Variants in VPS13A observed in about 807,000 individuals in gnomAD.
The protein encoded by VPS13A is intermembrane lipid transfer protein VPS13A.
VPS13A carries 264 observed loss-of-function variants against 390.9 expected under a neutral mutation model. That is an observed-to-expected ratio of 0.68 (90% CI 0.61 to 0.75). VPS13A has a LOEUF of 0.75. VPS13A is among the 30% of genes least tolerant of loss of function. The pLI is 0.00. For missense variants in VPS13A, 3,409 were observed against 3,733.9 expected, an observed-to-expected ratio of 0.91 and a Z score of 2.27; for synonymous variants, 1,231 against 1,227.1, an observed-to-expected ratio of 1.00 and a Z score of -0.07.
chr9:77,199,097 C>A lies in VPS13A; in HGVS notation c.101-848C>A, dbSNP rs141590842. Among the ~76,000 whole-genome samples, 10 of 152,294 alleles carry A rather than the reference C, an allele frequency of 6.6e-5. No homozygotes were observed. In the East Asian group the frequency reaches 1.9e-3, roughly 29 times the overall value. On this transcript the variant is annotated intron_variant, in intron 1 of 71. Coordinates refer to ENST00000360280, the MANE Select transcript of VPS13A (RefSeq NM_033305.3). ...TGCTAATTACTTTCTATGTGTCTTACAGCATTTCTTCTTTCTGTTTTACCC... is the reference window on the plus strand; with the variant it reads ...TGCTAATTACTTTCTATGTGTCTTAAAGCATTTCTTCTTTCTGTTTTACCC...
chr9:77,282,440 T>C (rs1048027168), intron 29 of VPS13A, among the ~76,000 whole-genome samples, 166 bp downstream of exon 29: 2 of 151,968 alleles, frequency 1.3e-5, no homozygotes, highest in Non-Finnish European at 2.9e-5. Context: ...TTTTAGAAAA[T>C]AAAGGAAACT....
At chr9:77,357,335 A>C (rs547383003) in intron 55 of VPS13A, among the ~76,000 whole-genome samples, 1 of 150,674 alleles carries the variant, frequency 6.6e-6, no homozygotes, top group Non-Finnish European at 1.5e-5. Context: ...AAAAAAAAAA[A>C]AAAAAAAGAA....
intron 45 of VPS13A, among the ~76,000 whole-genome samples, chr9:77,326,156 A>T (rs1490010050): frequency 6.6e-6 from 1 of 152,052 alleles, no homozygotes; most frequent in Admixed American, 6.5e-5. Context: ...AAAATGTGTC[A>T]ATCTTTTCTT....
At chr9:77,252,427 G>T in intron 22 of VPS13A, 75 bp downstream of exon 22, 1 of 1,173,722 alleles carries the variant, frequency 8.5e-7, no homozygotes. Flanking sequence ...ATACTTAACT[G>T]ACTCTTCCTT....
At chr9:77,342,212 T>G (rs1339025326) in intron 50 of VPS13A, among the ~76,000 whole-genome samples, 1 of 152,138 alleles carries the variant, frequency 6.6e-6, no homozygotes, top group East Asian at 1.9e-4. Context: ...ACAATGAAAG[T>G]AACAGTCAAA....
chr9:77,317,380 A>G (rs1829461613), intron 39 of VPS13A, among the ~76,000 whole-genome samples: 1 of 152,100 alleles, frequency 6.6e-6, no homozygotes, highest in African/African-American at 2.4e-5. Flanking sequence ...TTTCTGAGCT[A>G]CCTTGTGCTC....
Position 77,370,872 on chromosome 9 carries a change from G to C in VPS13A, c.8908-18G>C. ...CATAAAAAAGTATTGTAAATTTTCAGTTGTGTTTTCCTTCTAGGGATTTGT... is the reference window on the plus strand; with the variant it reads ...CATAAAAAAGTATTGTAAATTTTCACTTGTGTTTTCCTTCTAGGGATTTGT... On this transcript the variant is annotated intron_variant, in intron 65 of 71. Transcript: ENST00000360280. The C allele has an allele frequency of 1.2e-6, 2 of 1,612,392 alleles. No individual in the cohort carries two copies. Among genetic ancestry groups the C allele is most frequent in the Non-Finnish European group, 8.5e-7 (1 of 1,179,842 alleles).
At chr9:77,296,304 G>A (rs767031798) in intron 33 of VPS13A, among the ~76,000 whole-genome samples, 1 of 152,154 alleles carries the variant, frequency 6.6e-6, no homozygotes, top group African/African-American at 2.4e-5. Flanking sequence ...TTAAGCATAG[G>A]GTTAGGAATT....
At chr9:77,268,511 G>A (rs1373044098) in intron 23 of VPS13A, among the ~76,000 whole-genome samples, 1 of 152,074 alleles carries the variant, frequency 6.6e-6, no homozygotes, top group Non-Finnish European at 1.5e-5. Context: ...GAGATGAGCC[G>A]GGTACCTCAG....
chr9:77,332,184 A>G (rs1471992947), intron 46 of VPS13A, 71 bp downstream of exon 46: 17 of 1,232,404 alleles, frequency 1.4e-5, no homozygotes, highest in Non-Finnish European at 1.8e-5. Flanking sequence ...TTTCACATGG[A>G]TAACTTTGAT....
chr9:77,239,197 G>T (rs1824321618), intron 19 of VPS13A, among the ~76,000 whole-genome samples: 1 of 151,488 alleles, frequency 6.6e-6, no homozygotes, highest in South Asian at 2.1e-4. Context: ...AATAAATTTG[G>T]CTGGGCGCGG....
chr9:77,280,961 G>A (rs1214241383), intron 27 of VPS13A, among the ~76,000 whole-genome samples: 1 of 152,100 alleles, frequency 6.6e-6, no homozygotes, highest in Non-Finnish European at 1.5e-5. Context: ...AAAAAAGGGG[G>A]GGAATCCTGT....
intron 22 of VPS13A, among the ~76,000 whole-genome samples, chr9:77,259,244 G>T (rs1825622587): frequency 6.6e-6 from 1 of 152,128 alleles, no homozygotes; most frequent in Non-Finnish European, 1.5e-5. Context: ...GGTAGATACT[G>T]TTTTGGTACC....
At chr9:77,281,767 A>G in intron 27 of VPS13A, 100 bp from the exon 28 acceptor site, 1 of 678,230 alleles carries the variant, frequency 1.5e-6, no homozygotes, top group Non-Finnish European at 2.6e-6. Context: ...ATGTATATGA[A>G]CAGCTGGAAA....
intron 16 of VPS13A, 97 bp downstream of exon 16, chr9:77,227,582 G>T (rs1360606843): frequency 2.1e-6 from 2 of 934,810 alleles, no homozygotes; most frequent in Non-Finnish European, 1.7e-6. Context: ...GACTGCAGTG[G>T]TGTGATCTCT....
At position 77,333,721 on chromosome 9, in the gene VPS13A, G is replaced by T. The variant is rs142959603; in HGVS notation, c.6095+1608G>T. On this transcript the variant is annotated intron_variant, in intron 46 of 71. Coordinates refer to ENST00000360280, the MANE Select transcript of VPS13A (RefSeq NM_033305.3). ...ATGTGAGGTTTTAAATTAACAAATG[G>T]CTATCTTTCTCTATTCTATTTCTAT... Among the ~76,000 whole-genome samples the T allele has an allele frequency of 1.3e-4, 20 of 152,064 alleles. No individual in the cohort carries two copies. In the East Asian group the frequency reaches 3.3e-3, roughly 25 times the overall value.
At chr9:77,267,483 A>T (rs1354323377) in intron 23 of VPS13A, among the ~76,000 whole-genome samples, 1 of 152,176 alleles carries the variant, frequency 6.6e-6, no homozygotes, top group Non-Finnish European at 1.5e-5. Flanking sequence ...TTCCCTGGGT[A>T]TCACCAGCGG....
At chr9:77,234,998 A>G (rs1377880074) in intron 17 of VPS13A, among the ~76,000 whole-genome samples, 1 of 152,028 alleles carries the variant, frequency 6.6e-6, no homozygotes, top group South Asian at 2.1e-4. Flanking sequence ...TGCTTTACAT[A>G]CTTGTGTTCA....
At chr9:77,266,548 T>G (rs1400333473) in intron 23 of VPS13A, among the ~76,000 whole-genome samples, 1 of 152,132 alleles carries the variant, frequency 6.6e-6, no homozygotes, top group Non-Finnish European at 1.5e-5. Context: ...TCTGATGGTC[T>G]TCCCTTTGTG....
Sources: gnomAD v4.1 joint callset for allele counts (sites outside exome capture counted in the v4.1 genomes callset) on GRCh38, gnomAD v4.1.1 for gene constraint, MANE v1.5 for transcripts, NCBI Gene and HGNC (gene_info 2026-07-23, HGNC 2026-07-21) for gene names.